Variants in ITIH1 observed in about 807,000 individuals in gnomAD.
ITIH1 encodes inter-alpha-trypsin inhibitor heavy chain H1.
ITIH1 carries 94 observed loss-of-function variants against 104.6 expected under a neutral mutation model. The observed-to-expected ratio is 0.90, with a 90% CI of 0.76 to 1.07. ITIH1 has a LOEUF of 1.07. Among genes scored for constraint, ITIH1 ranks in the 50% least tolerant of loss-of-function variants. ITIH1 has a pLI of 0.00. For missense variants in ITIH1, 1,193 were observed against 1,181.4 expected, an observed-to-expected ratio of 1.01 and a Z score of -0.14; for synonymous variants, 455 against 464.4, an observed-to-expected ratio of 0.98 and a Z score of 0.26.
chr3:52,783,266 T>G lies in ITIH1; in HGVS notation c.1152T>G (p.Val384=), dbSNP rs767186844. ...LLRGIEILNQ[V]QESLPELSNH... ...GGGGAATTGAGATCTTGAACCAAGT[T>G]CAGGAAAGCCTCCCAGAACTCAGCA... The change falls in exon 10 of 22, where the codon GTT becomes GTG. Residue 384 remains valine, a synonymous_variant. Transcript: ENST00000273283. The G allele has an allele frequency of 6.2e-7, 1 of 1,613,986 alleles. No individual in the cohort carries two copies. Among genetic ancestry groups the G allele is most frequent in the Non-Finnish European group, 8.5e-7 (1 of 1,179,992 alleles).
rs746978182 is a variant in ITIH1, at chr3:52,785,154, C to A, written c.1518C>A (p.Gly506=). Residue 506 remains glycine (G), a synonymous_variant, in exon 12 of 22, where the codon GGC becomes GGA. Coordinates refer to ENST00000273283, the MANE Select transcript of ITIH1 (RefSeq NM_002215.4). ...TQNHHKQYYE[G]SEIVVAGRIA... ...ACCACCATAAACAGTACTACGAAGG[C>A]TCAGAGATTGTGGTGGCCGGGCGCA... 6.2e-7 allele frequency: 1 copy of A among 1,614,152 alleles called. No homozygotes were observed. Among genetic ancestry groups the A allele is most frequent in the Non-Finnish European group, 8.5e-7 (1 of 1,180,002 alleles).
intron 6 of ITIH1, among the ~76,000 whole-genome samples, chr3:52,780,947 C>A (rs1269211264): frequency 1.3e-5 from 2 of 152,220 alleles, no homozygotes; most frequent in African/African-American, 2.4e-5. Context: ...CAACCCGAGC[C>A]AGGAACAAAT....
In ITIH1 at chr3:52,790,879, C is replaced by A. The variant is rs773343583; in HGVS notation, c.2452C>A (p.Leu818Met). 6.8e-6 allele frequency: 11 copies of A among 1,611,586 alleles called. No homozygotes were observed. In the South Asian group the frequency reaches 1.2e-4, roughly 18 times the overall value. Residue 818 changes from leucine to methionine, a missense_variant, in exon 20 of 22, where the codon CTG becomes ATG. By Grantham distance (15) the Leu-to-Met change is conservative. Coordinates refer to ENST00000273283, the MANE Select transcript of ITIH1 (RefSeq NM_002215.4). ...CCAGGACTTCCTGGGCTTCTATGTG[C>A]TGGACAGTCATCGGATGTCAGCCCG... ...VHQDFLGFYV[L>M]DSHRMSARTH...
At position 52,787,115 on chromosome 3, in the gene ITIH1, G is replaced by A; in HGVS notation, c.1888+16G>A. On this transcript the variant is annotated intron_variant, in intron 14 of 21. Coordinates refer to ENST00000273283, the MANE Select transcript of ITIH1 (RefSeq NM_002215.4). ...CCCTCAGAGGGTATAGGCTGCAGGG[G>A]TCTACAGAAGGGAGAGGCCATGGGC... 6.2e-7 allele frequency: 1 copy of A among 1,614,206 alleles called. No homozygotes were observed. The highest frequency in any genetic ancestry group is 1.1e-5 in the South Asian group (1 of 91,082).
rs1285207331 is a variant in ITIH1, at chr3:52,781,205, TTTTTTCTTC to T, written c.688-732_688-724del. 1.6e-3 allele frequency among the ~76,000 whole-genome samples: 117 copies of T among 72,342 alleles called. 6 individuals carry two copies. Among genetic ancestry groups the T allele is most frequent in the East Asian group, 4.7e-3 (13 of 2,764 alleles). 47.5% of individuals were successfully genotyped at this position (72,342 alleles called of 152,430 possible). ...CTTCACCTCCTCCTCTTCTTTTTTT[TTTTTTCTTC>T]TTCTTCTTCTTCTTCTTCTTCTTCT... On this transcript the variant is annotated intron_variant, in intron 6 of 21. Transcript: ENST00000273283.
Position 52,787,172 on chromosome 3 carries a change from T to C in ITIH1, c.1889-16T>C. The C allele has an allele frequency of 6.2e-7, 1 of 1,614,132 alleles. No individual in the cohort carries two copies. The highest frequency in any genetic ancestry group is 1.3e-5 in the African/African-American group (1 of 75,064). The stretch of plus-strand genomic sequence containing the variant: ...CCTCTGGGGCTCTAATTATTTTCTC[T>C]TTCTCTCCCTTCCAGATTCTCCGCC... On this transcript the variant is annotated splice_polypyrimidine_tract_variant and intron_variant, in intron 14 of 21. Transcript: ENST00000273283.
intron 13 of ITIH1, among the ~76,000 whole-genome samples, chr3:52,786,736 C>T (rs1004061937): frequency 7.9e-5 from 12 of 152,208 alleles, no homozygotes; most frequent in Non-Finnish European, 1.2e-4. Flanking sequence ...CCCCTCAACC[C>T]CACCGAATCT....
chr3:52,787,514 G>T, intron 15 of ITIH1, 78 bp from the exon 16 acceptor site: 1 of 1,563,192 alleles, frequency 6.4e-7, no homozygotes, highest in South Asian at 1.1e-5. Flanking sequence ...CAGGCCTGTT[G>T]TGGACAGAGC....
chr3:52,779,303 G>A lies in ITIH1; in HGVS notation c.411-129G>A. 1.9e-6 allele frequency: 2 copies of A among 1,041,514 alleles called. No homozygotes were observed. The highest frequency in any genetic ancestry group is 4.1e-5 in the Admixed American group (2 of 48,358). 64.5% of individuals were successfully genotyped at this position (1,041,514 alleles called of 1,614,324 possible). On this transcript the variant is annotated intron_variant, in intron 4 of 21. Coordinates refer to ENST00000273283, the MANE Select transcript of ITIH1 (RefSeq NM_002215.4). This position sits in a 1 kb window ranked among gnomAD's most constrained non-coding sequence, Gnocchi z 4.4. ...GACCAGCCAGCTAACACATTTGTGA[G>A]GTCCAGGGAAACCTGGGAGCAACAC...
chr3:52,782,223 G>A lies in ITIH1; in HGVS notation c.886G>A (p.Val296Met), dbSNP rs560600264. The change falls in exon 8 of 22, where the codon GTG becomes ATG. Residue 296 changes from valine to methionine, a missense_variant. Physicochemically the swap from Val to Met is conservative, Grantham distance 21. Coordinates refer to ENST00000273283, the MANE Select transcript of ITIH1 (RefSeq NM_002215.4). ...AAACATGAACAAGAACGTGGTTTTTGTGATTGACATCAGTGGCTCCATGAG... is the reference window on the plus strand; with the variant it reads ...AAACATGAACAAGAACGTGGTTTTTATGATTGACATCAGTGGCTCCATGAG... ...LTNMNKNVVF[V>M]IDISGSMRGQ... The A allele has an allele frequency of 4.0e-5, 65 of 1,614,142 alleles. No individual in the cohort carries two copies. The South Asian group carries it at 6.4e-4, about 16-fold the overall frequency.
At chr3:52,791,113 G>A (rs1260713373) in intron 20 of ITIH1, among the ~76,000 whole-genome samples, 192 bp downstream of exon 20, 3 of 152,136 alleles carry the variant, frequency 2.0e-5, no homozygotes, top group African/African-American at 7.2e-5. Context: ...TGAAACAAAC[G>A]CTTAAGCGAG....
At chr3:52,787,927 A>G in intron 16 of ITIH1, 59 bp from the exon 17 acceptor site, 4 of 1,492,780 alleles carry the variant, frequency 2.7e-6, no homozygotes, top group Non-Finnish European at 3.7e-6. Context: ...CAGAGGGATC[A>G]GCAGCTCCAG....
Position 52,777,614 on chromosome 3 carries a change from G to A in ITIH1, c.-2G>A, listed in dbSNP as rs760887900. 1 of 1,571,696 alleles carries A rather than the reference G, an allele frequency of 6.4e-7. No homozygotes were observed. The highest frequency in any genetic ancestry group is 1.2e-5 in the South Asian group (1 of 82,836). The stretch of plus-strand genomic sequence containing the variant: ...GTGACAGGGCAGCAGGAGCCTTAGA[G>A]CATGGACGGTGCCATGGGGCCTCGG... On this transcript the variant is annotated 5_prime_UTR_variant, in exon 1 of 22. Coordinates refer to ENST00000273283, the MANE Select transcript of ITIH1 (RefSeq NM_002215.4).
In ITIH1 at chr3:52,786,868, G is replaced by T. The variant is rs1578738810; in HGVS notation, c.1734-77G>T. ...TGAATGAATGAATGAATGAATGAAT[G>T]AATAAGTGAATGGATAGGTGAAAGG... On this transcript the variant is annotated intron_variant, in intron 13 of 21. Transcript: ENST00000273283. 4.8e-6 allele frequency: 6 copies of T among 1,249,414 alleles called. No individual in the cohort carries two copies. The Middle Eastern group carries it at 6.4e-4, about 132-fold the overall frequency. The allele number at this position is 1,249,414 out of a possible 1,614,324, so 77.4% of individuals were successfully genotyped here. A position where few individuals can be genotyped will look rare whatever the true frequency, so the allele number is the denominator to read the frequency against.
At chr3:52,788,169 C>G in intron 17 of ITIH1, 63 bp from the exon 18 acceptor site, 1 of 1,517,142 alleles carries the variant, frequency 6.6e-7, no homozygotes, top group Non-Finnish European at 9.1e-7. Context: ...AGCTGAACCC[C>G]AACCCCTGGC....
chr3:52,783,079 C>A lies in ITIH1; in HGVS notation c.1053C>A (p.Asn351Lys), dbSNP rs1031953101. The A allele has an allele frequency of 5.0e-6, 8 of 1,614,052 alleles. No homozygotes were observed. Among genetic ancestry groups the A allele is most frequent in the Non-Finnish European group, 5.9e-6 (7 of 1,180,022 alleles). Reference protein sequence around the residue: ...KGSLVQASEANLQAAQDFVRG... With the variant: ...KGSLVQASEAKLQAAQDFVRG... ...CGCTGGTGCAAGCATCTGAGGCCAA[C>A]CTACAAGCAGCTCAAGACTTTGTGC... is the stretch of plus-strand genomic sequence containing the variant. Residue 351 changes from asparagine (N) to lysine (K), a missense_variant, in exon 9 of 22, where the codon AAC becomes AAA. Transcript: ENST00000273283.
At position 52,787,588 on chromosome 3, in the gene ITIH1, A is replaced by G; in HGVS notation, c.1904-4A>G. ...CTTCGATAATATGTCCTTGTCTTCT[A>G]CAGAGATGCTGGGACCCAGAAGGAG... On this transcript the variant is annotated splice_polypyrimidine_tract_variant and splice_region_variant and intron_variant, in intron 15 of 21. Coordinates refer to ENST00000273283, the MANE Select transcript of ITIH1 (RefSeq NM_002215.4). 1.2e-6 allele frequency: 2 copies of G among 1,614,178 alleles called. No individual in the cohort carries two copies. The highest frequency in any genetic ancestry group is 1.7e-6 in the Non-Finnish European group (2 of 1,180,006).
intron 15 of ITIH1, 101 bp downstream of exon 15, chr3:52,787,303 C>A: frequency 1.4e-6 from 2 of 1,475,032 alleles, no homozygotes; most frequent in Non-Finnish European, 9.5e-7. Flanking sequence ...CCCATTCTTC[C>A]CTGACTCCAC....
chr3:52,780,861 C>G (rs1209814445), intron 6 of ITIH1, among the ~76,000 whole-genome samples: 1 of 152,264 alleles, frequency 6.6e-6, no homozygotes, highest in Non-Finnish European at 1.5e-5. Context: ...CCAGAAGCCC[C>G]TGGCTCACCC....
Sources: gnomAD v4.1 joint callset for allele counts (sites outside exome capture counted in the v4.1 genomes callset) on GRCh38, gnomAD v4.1.1 for gene constraint, Gnocchi (gnomAD v3.1) non-coding constraint, MANE v1.5 for transcripts, NCBI Gene and HGNC (gene_info 2026-07-23, HGNC 2026-07-21) for gene names.